Variants in MAD1L1 observed in about 807,000 individuals in gnomAD.
MAD1L1 encodes mitotic spindle assembly checkpoint protein MAD1.
MAD1L1 carries 95 observed loss-of-function variants against 96.9 expected under a neutral mutation model. The ratio of observed to expected loss-of-function variants is 0.98; its 90% CI spans 0.83 to 1.16. MAD1L1 has a LOEUF of 1.16. Ranked by LOEUF, MAD1L1 falls within the 50% of genes most tolerant of loss-of-function variation. MAD1L1 has a pLI of 0.00. For synonymous variants in MAD1L1, 473 were observed against 396.6 expected (o/e 1.19, Z -2.29); for missense variants, 1,007 against 954.4 (o/e 1.06, Z -0.73).
chr7:2,210,789 G>A (rs567333704), intron 10 of MAD1L1, among the ~76,000 whole-genome samples: 5 of 152,264 alleles, frequency 3.3e-5, no homozygotes, highest in Non-Finnish European at 7.3e-5. Context: ...GCCAACGCAG[G>A]AGACTAGGGG....
At chr7:1,953,717 C>T (rs1444153636) in intron 16 of MAD1L1, among the ~76,000 whole-genome samples, 1 of 152,216 alleles carries the variant, frequency 6.6e-6, no homozygotes, top group African/African-American at 2.4e-5. Flanking sequence ...GGTGACCAGG[C>T]GCTCGCTGCA....
intron 11 of MAD1L1, among the ~76,000 whole-genome samples, chr7:2,134,830 C>A (rs2128570653): frequency 6.6e-6 from 1 of 152,300 alleles, no homozygotes; most frequent in East Asian, 1.9e-4. Context: ...CTCCAGGCCC[C>A]AGGGACACCC....
chr7:1,902,692 T>C (rs1464109988), intron 17 of MAD1L1, among the ~76,000 whole-genome samples: 1 of 152,172 alleles, frequency 6.6e-6, no homozygotes, highest in Non-Finnish European at 1.5e-5. Flanking sequence ...CGTCTCAGGC[T>C]CCAGCCTCGC....
At chr7:1,926,608 A>G (rs1024770345) in intron 17 of MAD1L1, among the ~76,000 whole-genome samples, 1 of 152,158 alleles carries the variant, frequency 6.6e-6, no homozygotes, top group African/African-American at 2.4e-5. Context: ...TGTCAATCAC[A>G]CTAACGGTGT....
intron 11 of MAD1L1, among the ~76,000 whole-genome samples, chr7:2,074,387 G>T (rs946789260): frequency 1.3e-5 from 2 of 152,170 alleles, no homozygotes; most frequent in African/African-American, 4.8e-5. Context: ...ACGGGGCAGA[G>T]GCTGACATCA....
chr7:2,211,532 C>G (rs1358782945), intron 10 of MAD1L1, among the ~76,000 whole-genome samples: 1 of 152,246 alleles, frequency 6.6e-6, no homozygotes, highest in Non-Finnish European at 1.5e-5. Flanking sequence ...TGTCCCTTCA[C>G]AGGAAAGAAG....
intron 10 of MAD1L1, among the ~76,000 whole-genome samples, chr7:2,199,398 T>C (rs1792162785): frequency 6.6e-6 from 1 of 152,140 alleles, no homozygotes; most frequent in Admixed American, 6.5e-5. Context: ...CCAAGACTCC[T>C]AGGAGGTCCC....
In MAD1L1 at chr7:2,092,751, G is replaced by A. The variant is rs938389229; in HGVS notation, c.1074-23413C>T. ...CTCCCATTCTGTGGTTTGTCTTTTC[G>A]TCCTCTTAACAGTATCTTCCACAGA... On this transcript the variant is annotated intron_variant, in intron 11 of 18. Coordinates refer to ENST00000265854, the MANE Select transcript of MAD1L1 (RefSeq NM_001013836.2). 7.2e-5 allele frequency among the ~76,000 whole-genome samples: 11 copies of A among 152,078 alleles called. 1 individual carries two copies. In the South Asian group the frequency reaches 1.9e-3, roughly 26 times the overall value.
intron 11 of MAD1L1, among the ~76,000 whole-genome samples, chr7:2,132,341 C>T (rs1788549704): frequency 6.6e-6 from 1 of 152,158 alleles, no homozygotes; most frequent in Non-Finnish European, 1.5e-5. Flanking sequence ...CTTACATTCT[C>T]GGGTTTAGAC....
chr7:2,105,835 C>T (rs557344215), intron 11 of MAD1L1, among the ~76,000 whole-genome samples: 9 of 152,220 alleles, frequency 5.9e-5, no homozygotes, highest in South Asian at 2.1e-4. Flanking sequence ...TCACCCACCC[C>T]GCTCCCCAGC....
At chr7:1,887,140 T>G (rs1005832166) in intron 18 of MAD1L1, among the ~76,000 whole-genome samples, 1 of 152,200 alleles carries the variant, frequency 6.6e-6, no homozygotes, top group Non-Finnish European at 1.5e-5. Flanking sequence ...TTGCTTTCCC[T>G]GCCTCCTCTG....
chr7:1,956,203 G>A (rs1043092690), intron 16 of MAD1L1, among the ~76,000 whole-genome samples: 1 of 152,174 alleles, frequency 6.6e-6, no homozygotes, highest in Non-Finnish European at 1.5e-5. Flanking sequence ...CAGGGCCTGT[G>A]AGGCCTCACC....
At chr7:1,886,737 G>A (rs73673315) in intron 18 of MAD1L1, among the ~76,000 whole-genome samples, 3,001 of 152,382 alleles carry the variant, frequency 0.02, 99 homozygotes, top group African/African-American at 0.069. Flanking sequence ...TGCTCTGCTG[G>A]TGCCAGCTGT....
chr7:1,823,319 T>A (rs1296339051), intron 18 of MAD1L1, among the ~76,000 whole-genome samples: 1 of 152,060 alleles, frequency 6.6e-6, no homozygotes, highest in East Asian at 1.9e-4. Context: ...AAAAGAAATC[T>A]TCAGGATCTG....
chr7:2,222,480 A>T, intron 5 of MAD1L1, 95 bp downstream of exon 5: 1 of 1,132,128 alleles, frequency 8.8e-7, no homozygotes, highest in African/African-American at 1.6e-5. Flanking sequence ...GGGAAGCACA[A>T]GTGAAAACAC....
chr7:1,962,684 G>A (rs1365539534), intron 15 of MAD1L1, among the ~76,000 whole-genome samples: 4 of 152,192 alleles, frequency 2.6e-5, no homozygotes, highest in Non-Finnish European at 5.9e-5. Flanking sequence ...TGACAAGTGA[G>A]CTGAATGAAA....
intron 16 of MAD1L1, among the ~76,000 whole-genome samples, chr7:1,953,508 G>C (rs553621126): frequency 2.0e-5 from 3 of 152,336 alleles, no homozygotes; most frequent in South Asian, 4.1e-4. Context: ...ATCGAGGAAC[G>C]GCTGGAGCAC....
intron 10 of MAD1L1, among the ~76,000 whole-genome samples, chr7:2,184,942 C>T (rs1037427214): frequency 2.0e-5 from 3 of 152,150 alleles, no homozygotes; most frequent in Non-Finnish European, 4.4e-5. Context: ...GCGGAGGTTT[C>T]AGTGAGCCAA....
intron 18 of MAD1L1, among the ~76,000 whole-genome samples, chr7:1,867,473 G>A (rs1784831859): frequency 6.6e-6 from 1 of 152,246 alleles, no homozygotes; most frequent in South Asian, 2.1e-4. Flanking sequence ...GACAGATCTG[G>A]CCCTTCTGCT....
Sources: gnomAD v4.1 joint callset for allele counts (sites outside exome capture counted in the v4.1 genomes callset) on GRCh38, gnomAD v4.1.1 for gene constraint, MANE v1.5 for transcripts, NCBI Gene and HGNC (gene_info 2026-07-23, HGNC 2026-07-21) for gene names.